Variants in AMY2A observed in about 807,000 individuals in gnomAD.
The protein encoded by AMY2A is pancreatic alpha-amylase.
A neutral mutation model predicts 43.0 loss-of-function variants in AMY2A; 16 were observed. The ratio of observed to expected loss-of-function variants is 0.37; its 90% CI spans 0.25 to 0.56. The LOEUF (loss-of-function observed/expected upper bound fraction) is 0.56. AMY2A is among the 20% of genes least tolerant of loss of function. The pLI is 0.77. For synonymous variants in AMY2A, 70 were observed against 144.6 expected (o/e 0.48, Z 3.70); for missense variants, 212 against 456.8 (o/e 0.46, Z 4.89).
intron 1 of AMY2A, 110 bp downstream of exon 1, chr1:103,617,718 C>T (rs1653117085): frequency 1.9e-6 from 3 of 1,576,592 alleles, no homozygotes; most frequent in Non-Finnish European, 2.6e-6. Flanking sequence ...GGTAAGTATT[C>T]TAAGTAAAAG....
In AMY2A at chr1:103,618,566, T is replaced by A. The variant is rs1345799937; in HGVS notation, c.316-345T>A. ...CAAAAGCTTCATAGAGAGTACAGGC[T>A]TTCTCCTGGTGACCCACTGAAATTT... is the stretch of plus-strand genomic sequence containing the variant. On this transcript the variant is annotated intron_variant, in intron 2 of 9. Transcript: ENST00000414303. 2.0e-5 allele frequency among the ~76,000 whole-genome samples: 3 copies of A among 150,744 alleles called. 1 individual carries two copies. In the Admixed American group the frequency reaches 2.0e-4, roughly 10 times the overall value.
chr1:103,623,279 TC>T (rs1391876648), intron 7 of AMY2A, among the ~76,000 whole-genome samples: 1 of 135,604 alleles, frequency 7.4e-6, no homozygotes, highest in Non-Finnish European at 1.6e-5. Flanking sequence ...CTAATGCCCT[TC>T]CCATTTCAAT....
chr1:103,617,713 G>A (rs878989348), intron 1 of AMY2A, 105 bp downstream of exon 1: 4 of 1,578,486 alleles, frequency 2.5e-6, no homozygotes, highest in South Asian at 2.3e-5. Context: ...TCACAGGTAA[G>A]TATTCTAAGT....
chr1:103,619,208 C>A, intron 3 of AMY2A, 100 bp downstream of exon 3: 1 of 596,686 alleles, frequency 1.7e-6, no homozygotes, highest in Non-Finnish European at 2.9e-6. Context: ...GAATTTAGAT[C>A]TCTTAGGGAC....
rs745355607 is a variant in AMY2A, at chr1:103,618,930, C to A, written c.335C>A (p.Ala112Asp). ...NNVGVRIYVD[A>D]VINHMCGNAV... ...TTCTAGGTTCGTATTTATGTGGATG[C>A]TGTAATTAATCATATGTGTGGTAAC... Residue 112 changes from alanine to aspartate, a missense_variant, in exon 3 of 10, where the codon GCT (alanine) becomes GAT (aspartate). Around this residue, in one of 2 missense-constraint regions of AMY2A, gnomAD observed 199 missense variants for 210.6 expected, o/e 0.94. Coordinates refer to ENST00000414303, the MANE Select transcript of AMY2A (RefSeq NM_000699.4). 2.3e-6 allele frequency: 3 copies of A among 1,332,350 alleles called. No homozygotes were observed. The Admixed American group carries it at 7.6e-5, about 34-fold the overall frequency. The allele number at this position is 1,332,350 out of a possible 1,614,324, so 82.5% of individuals were successfully genotyped here.
chr1:103,617,487 A>C lies in AMY2A; in HGVS notation c.47A>C (p.Gln16Pro). Reference protein sequence around the residue: ...LLFTIGFCWAQYSPNTQQGRT... With the variant: ...LLFTIGFCWAPYSPNTQQGRT... ...TTCACCATTGGGTTCTGCTGGGCTC[A>C]GTATTCCCCAAATACACAACAAGGA... The change falls in exon 1 of 10, where the codon CAG (glutamine) becomes CCG (proline). Residue 16 changes from glutamine (Q) to proline (P), a missense_variant. Coordinates refer to ENST00000414303, the MANE Select transcript of AMY2A (RefSeq NM_000699.4). 1 of 1,600,890 alleles carries C rather than the reference A, an allele frequency of 6.2e-7. No individual in the cohort carries two copies. The highest frequency in any genetic ancestry group is 8.5e-7 in the Non-Finnish European group (1 of 1,170,834).
chr1:103,617,088 T>G (rs554496554), upstream of AMY2A: 14 of 1,006,660 alleles, frequency 1.4e-5, 1 homozygote, highest in African/African-American at 2.3e-4. Context: ...TTAATTTATG[T>G]AAAGTTTTTT....
upstream of AMY2A, chr1:103,617,370 A>G: frequency 6.4e-7 from 1 of 1,555,760 alleles, no homozygotes; most frequent in South Asian, 1.1e-5. Flanking sequence ...GCTAATATTT[A>G]CTTTGTAAAA....
intron 7 of AMY2A, among the ~76,000 whole-genome samples, chr1:103,623,365 C>A (rs1245932052): frequency 1.6e-5 from 2 of 128,104 alleles, no homozygotes; most frequent in African/African-American, 6.4e-5. Context: ...GTAATCCCAG[C>A]ACCTAGTGAG....
rs1319186352 is a variant in AMY2A, at chr1:103,619,082, A to G, written c.487A>G (p.Ile163Val). The change falls in exon 3 of 10, where the codon ATC becomes GTC. Residue 163 changes from isoleucine (I) to valine (V), a missense_variant. Ile to Val is a conservative substitution (Grantham distance 29). This residue lies in a region of AMY2A where 199 missense variants were observed against 210.6 expected (regional missense o/e 0.94). Transcript: ENST00000414303. ...TAAATGTAAAACTGGAAGTGGAGAT[A>G]TCGAGAACTACAATGATGCTACTCA... ...DGKCKTGSGD[I>V]ENYNDATQVR... 1 of 1,200,118 alleles carries G rather than the reference A, an allele frequency of 8.3e-7. No homozygotes were observed. The highest frequency in any genetic ancestry group is 1.6e-5 in the African/African-American group (1 of 62,250). 74.3% of individuals were successfully genotyped at this position (1,200,118 alleles called of 1,614,324 possible).
In AMY2A at chr1:103,618,062, G is replaced by T. The variant is rs375898066; in HGVS notation, c.277G>T (p.Glu93Ter). 3.1e-6 allele frequency: 5 copies of T among 1,600,370 alleles called. No individual in the cohort carries two copies. The African/African-American group carries it at 4.0e-5, about 13-fold the overall frequency. ...KLCTRSGNED[E>*]FRNMVTRCNN... ...ATGCACAAGATCTGGAAATGAAGAT[G>T]AATTTAGAAACATGGTGACTAGATG... The change falls in exon 2 of 10, where the codon GAA becomes TAA. Residue 93 changes from glutamate to a stop codon, truncating the protein, a stop_gained. Transcript: ENST00000414303. LOFTEE classifies it high-confidence loss of function.
chr1:103,618,668 G>C (rs1332874582), intron 2 of AMY2A, among the ~76,000 whole-genome samples: 1 of 150,506 alleles, frequency 6.6e-6, no homozygotes, highest in Non-Finnish European at 1.5e-5. Flanking sequence ...TCCTATTTAT[G>C]GTAGTTTCTG....
intron 4 of AMY2A, among the ~76,000 whole-genome samples, chr1:103,620,019 A>G (rs1380047135): frequency 1.3e-5 from 2 of 151,350 alleles, no homozygotes; most frequent in African/African-American, 4.8e-5. Flanking sequence ...CTTTCTTTGG[A>G]TAATGAAACA....
At chr1:103,617,298 A>G, upstream of AMY2A, 1 of 1,468,870 alleles carries the variant, frequency 6.8e-7, no homozygotes, top group Non-Finnish European at 9.3e-7. Flanking sequence ...ACCTGTTAGG[A>G]TTATTATTGA....
At chr1:103,618,185 T>A in intron 2 of AMY2A, 85 bp downstream of exon 2, 1 of 1,505,854 alleles carries the variant, frequency 6.6e-7, no homozygotes. Flanking sequence ...CAGCAGAAAA[T>A]TTTCCGTATT....
chr1:103,617,730 G>C (rs1653117271), intron 1 of AMY2A, 122 bp downstream of exon 1: 2 of 1,560,134 alleles, frequency 1.3e-6, no homozygotes, highest in South Asian at 2.3e-5. Flanking sequence ...AAGTAAAAGA[G>C]ATTTCTGAGG....
Position 103,619,025 on chromosome 1 carries a change from G to C in AMY2A, c.430G>C (p.Val144Leu). The C allele has an allele frequency of 3.0e-6, 4 of 1,315,882 alleles. 1 individual carries two copies. The highest frequency in any genetic ancestry group is 3.1e-6 in the Non-Finnish European group (3 of 972,262). 81.5% of individuals were successfully genotyped at this position (1,315,882 alleles called of 1,614,324 possible). Residue 144 changes from valine (V) to leucine (L), a missense_variant, in exon 3 of 10, where the codon GTC becomes CTC. By Grantham distance (32) the Val-to-Leu change is conservative. This residue lies in a region of AMY2A where 199 missense variants were observed against 210.6 expected (regional missense o/e 0.94). Transcript: ENST00000414303. The stretch of plus-strand genomic sequence containing the variant: ...CCCTGGAAGTAGGGACTTTCCAGCA[G>C]TCCCATATTCTGGATGGGATTTCAA... The part of the protein sequence containing the change: ...FNPGSRDFPA[V>L]PYSGWDFNDG...
At chr1:103,619,851 T>A in intron 4 of AMY2A, 67 bp downstream of exon 4, 2 of 1,589,128 alleles carry the variant, frequency 1.3e-6, no homozygotes, top group Non-Finnish European at 1.7e-6. Context: ...GAAGATTTAA[T>A]TAAAAATGCA....
intron 3 of AMY2A, among the ~76,000 whole-genome samples, 188 bp downstream of exon 3, chr1:103,619,296 A>C (rs985924528): frequency 6.7e-6 from 1 of 150,314 alleles, no homozygotes; most frequent in African/African-American, 2.4e-5. Flanking sequence ...TAAGATTTTT[A>C]ATCAATACAC....
Sources: gnomAD v4.1 joint callset for allele counts (sites outside exome capture counted in the v4.1 genomes callset) on GRCh38, gnomAD v4.1.1 for gene constraint, gnomAD v4.1.1 regional missense constraint, MANE v1.5 for transcripts, NCBI Gene and HGNC (gene_info 2026-07-23, HGNC 2026-07-21) for gene names.